The following SRPRA variants were observed in gnomAD, a reference collection of about 807,000 sequenced individuals.
SRPRA encodes SRP receptor subunit alpha, also known as signal recognition particle receptor subunit alpha.
SRPRA carries 30 observed loss-of-function variants against 61.1 expected under a neutral mutation model. The ratio of observed to expected loss-of-function variants is 0.49; its 90% CI spans 0.37 to 0.67. SRPRA has a LOEUF of 0.67. Ranked by LOEUF, SRPRA falls within the 30% of genes least tolerant of loss-of-function variation. The pLI is 0.00. For missense variants in SRPRA, 759 were observed against 828.4 expected (o/e 0.92, Z 1.03); for synonymous variants, 324 against 299.7 (o/e 1.08, Z -0.84).
intron 1 of SRPRA, 143 bp from the exon 2 acceptor site, chr11:126,268,229 TTC>T (rs1466178008): frequency 1.5e-5 from 10 of 669,324 alleles, no homozygotes; most frequent in Non-Finnish European, 2.3e-5. Flanking sequence ...GTTGGGGCAC[TTC>T]TCTCTGGCAT....
At chr11:126,256,543 A>G in the SRPRA span, 28 of 1,608,674 alleles carry the variant, frequency 1.7e-5, no homozygotes, top group African/African-American at 1.5e-4. The surrounding 1 kb of genome is among the most constrained non-coding windows in gnomAD (Gnocchi z 6.6). Flanking sequence ...CACAATGTCA[A>G]TATGTTGTAT....
chr11:126,257,518 TA>T, the SRPRA span, among the ~76,000 whole-genome samples: 479 of 139,000 alleles, frequency 3.4e-3, 3 homozygotes, highest in African/African-American at 0.012. Context: ...TTCATTGCCA[TA>T]AAAAAAAAAG....
Position 126,265,130 on chromosome 11 carries a change from C to T in SRPRA, c.1354G>A (p.Ala452Thr), listed in dbSNP as rs192504159. Residue 452 changes from alanine to threonine, a missense_variant, in exon 11 of 14, where the codon GCT becomes ACT. Physicochemically the swap from Ala to Thr is moderately conservative, Grantham distance 58. Transcript: ENST00000332118. This position sits in a 1 kb window ranked among gnomAD's most constrained non-coding sequence, Gnocchi z 6.3. ...LLENGFSVLIAACDTFRAGAV... is the reference protein window; with the variant it reads ...LLENGFSVLITACDTFRAGAV... ...CCAGCACGAAATGTATCACAGGCAG[C>T]AATGAGGACACTGAAGCCATTCTCT... The T allele has an allele frequency of 6.2e-7, 1 of 1,614,140 alleles. No homozygotes were observed. The highest frequency in any genetic ancestry group is 2.2e-5 in the East Asian group (1 of 44,886).
At chr11:126,268,137 T>G in intron 1 of SRPRA, 51 bp from the exon 2 acceptor site, 4 of 1,545,122 alleles carry the variant, frequency 2.6e-6, no homozygotes, top group Non-Finnish European at 3.6e-6. Context: ...AAAACCCAGG[T>G]TTGGGCCCTG....
the SRPRA span, among the ~76,000 whole-genome samples, chr11:126,257,458 A>T: frequency 6.6e-6 from 1 of 152,200 alleles, no homozygotes; most frequent in Non-Finnish European, 1.5e-5. Context: ...AGATATGCCA[A>T]TATTTATTTA....
In SRPRA at chr11:126,267,039, A is replaced by T. The variant is rs531136631; in HGVS notation, c.527-117T>A. 6.6e-5 allele frequency: 100 copies of T among 1,519,810 alleles called. No individual in the cohort carries two copies. In the African/African-American group the frequency reaches 1.3e-3, roughly 19 times the overall value. The allele number at this position is 1,519,810 out of a possible 1,614,324, so 94.1% of individuals were successfully genotyped here. On this transcript the variant is annotated intron_variant, in intron 4 of 13. Coordinates refer to ENST00000332118, the MANE Select transcript of SRPRA (RefSeq NM_003139.4). This position sits in a 1 kb window ranked among gnomAD's most constrained non-coding sequence, Gnocchi z 4.2. Reference sequence around the variant, plus strand: ...TTGGACCAAACATCTTGGAGTTCATAAGGCCTGGGGATTATAGGATGGTGA... The same window carrying T: ...TTGGACCAAACATCTTGGAGTTCATTAGGCCTGGGGATTATAGGATGGTGA...
At chr11:126,260,508 T>TA (rs1313145053), downstream of SRPRA, 1 of 152,130 alleles carries the variant, frequency 6.6e-6, no homozygotes, top group East Asian at 1.9e-4. Context: ...GTAGGGGTGT[T>TA]ACAGTTTACC....
At chr11:126,249,608 G>A in the SRPRA span, among the ~76,000 whole-genome samples, 2 of 151,890 alleles carry the variant, frequency 1.3e-5, no homozygotes, top group East Asian at 2.0e-4. Flanking sequence ...GCAGGCGCCT[G>A]TAATCCCAGC....
At chr11:126,253,337 C>T in the SRPRA span, among the ~76,000 whole-genome samples, 2 of 152,272 alleles carry the variant, frequency 1.3e-5, no homozygotes, top group South Asian at 4.1e-4. The surrounding 1 kb of genome is among the most constrained non-coding windows in gnomAD (Gnocchi z 5.1). Context: ...TGCCTCTTGA[C>T]TACTTTCCTG....
chr11:126,262,096 G>T (rs778216820), downstream of SRPRA: 29 of 1,613,648 alleles, frequency 1.8e-5, no homozygotes, highest in Non-Finnish European at 2.4e-5. Flanking sequence ...ACTTCATTTT[G>T]TTCTCTTTTC....
chr11:126,244,488 A>G, the SRPRA span, among the ~76,000 whole-genome samples: 1 of 152,250 alleles, frequency 6.6e-6, no homozygotes, highest in Admixed American at 6.5e-5. This position sits in a 1 kb window ranked among gnomAD's most constrained non-coding sequence, Gnocchi z 4.5. Context: ...ATAGTAAAAT[A>G]GCTAGGAATA....
At position 126,265,263 on chromosome 11, in the gene SRPRA, C is replaced by T. The variant is rs1228368401; in HGVS notation, c.1311+5G>A. On this transcript the variant is annotated splice_donor_5th_base_variant and intron_variant, in intron 10 of 13. Transcript: ENST00000332118. This position sits in a 1 kb window ranked among gnomAD's most constrained non-coding sequence, Gnocchi z 6.3. ...ATCAGCGATAGGCTGGGGAACTGCA[C>T]TGACCTTGGCAAGATTAGTAGATTT... The T allele has an allele frequency of 6.2e-7, 1 of 1,614,012 alleles. No individual in the cohort carries two copies. Among genetic ancestry groups the T allele is most frequent in the Non-Finnish European group, 8.5e-7 (1 of 1,179,900 alleles).
the SRPRA span, among the ~76,000 whole-genome samples, chr11:126,240,539 T>G: frequency 3.3e-5 from 5 of 152,298 alleles, no homozygotes; most frequent in South Asian, 1.0e-3. Flanking sequence ...TTGAGAGGAC[T>G]AGGAAGGGAA....
the SRPRA span, among the ~76,000 whole-genome samples, chr11:126,245,997 A>C: frequency 1.4e-4 from 20 of 142,890 alleles, 1 homozygote; most frequent in Admixed American, 4.2e-4. Context: ...ACTCCGTCCC[A>C]AAAAAAAAAA....
chr11:126,264,027 A>G lies in SRPRA; in HGVS notation c.1806T>C (p.Ser602=). 1 of 1,614,184 alleles carries G rather than the reference A, an allele frequency of 6.2e-7. No individual in the cohort carries two copies. Among genetic ancestry groups the G allele is most frequent in the Non-Finnish European group, 8.5e-7 (1 of 1,180,028 alleles). Residue 602 remains serine, a synonymous_variant, in exon 14 of 14, where the codon TCT becomes TCC. Coordinates refer to ENST00000332118, the MANE Select transcript of SRPRA (RefSeq NM_003139.4). The surrounding 1 kb of genome is among the most constrained non-coding windows in gnomAD (Gnocchi z 5.0). ...TIDDKVGAAI[S]MTYITSKPIV... ...TGGGTTTGCTTGTGATGTACGTCATAGAAATAGCAGCTCCCACCTAAGTGG... is the reference window on the plus strand; with the variant it reads ...TGGGTTTGCTTGTGATGTACGTCATGGAAATAGCAGCTCCCACCTAAGTGG...
Position 126,264,519 on chromosome 11 carries a change from C to G in SRPRA, c.1546G>C (p.Val516Leu). The G allele has an allele frequency of 6.2e-7, 1 of 1,613,380 alleles. No individual in the cohort carries two copies. Among genetic ancestry groups the G allele is most frequent in the Non-Finnish European group, 8.5e-7 (1 of 1,180,022 alleles). The part of the protein sequence containing the change: ...IAFARNQGFD[V>L]VLVDTAGRMQ... ...CGGCCTGCCGTGTCCACCAGCACCACGTCAAAGCCTTGGTTACGTGCTAGA... is the reference window on the plus strand; with the variant it reads ...CGGCCTGCCGTGTCCACCAGCACCAGGTCAAAGCCTTGGTTACGTGCTAGA... The change falls in exon 12 of 14, where the codon GTG (valine) becomes CTG (leucine). Residue 516 changes from valine (V) to leucine (L), a missense_variant. This residue lies in a region of SRPRA where 284 missense variants were observed against 365.9 expected (regional missense o/e 0.78). Coordinates refer to ENST00000332118, the MANE Select transcript of SRPRA (RefSeq NM_003139.4). This position sits in a 1 kb window ranked among gnomAD's most constrained non-coding sequence, Gnocchi z 5.0.
At position 126,265,833 on chromosome 11, in the gene SRPRA, G is replaced by C; in HGVS notation, c.1052-10C>G. The C allele has an allele frequency of 1.2e-6, 2 of 1,614,186 alleles. No individual in the cohort carries two copies. Among genetic ancestry groups the C allele is most frequent in the African/African-American group, 1.3e-5 (1 of 75,058 alleles). On this transcript the variant is annotated splice_polypyrimidine_tract_variant and intron_variant, in intron 8 of 13. Transcript: ENST00000332118. This position sits in a 1 kb window ranked among gnomAD's most constrained non-coding sequence, Gnocchi z 6.3. ...GCAGCCACGTTCTTAGCTGAGGAGA[G>C]GGGGACAGGTATGTCAGTTCCATGT...
chr11:126,249,521 A>C, the SRPRA span, among the ~76,000 whole-genome samples: 4 of 152,206 alleles, frequency 2.6e-5, no homozygotes, highest in East Asian at 7.7e-4. Context: ...TCACAAGGTC[A>C]GGAGTTCAAG....
rs1950858656 is a variant in SRPRA at position 126,268,130 on chromosome 11, A to T, written c.118-44T>A. On this transcript the variant is annotated intron_variant, in intron 1 of 13. Transcript: ENST00000332118. ...TCAGTGTTCAGACTATCCCCAGAAA[A>T]CCCAGGTTTGGGCCCTGGGTTTGGA... 4.4e-6 allele frequency: 7 copies of T among 1,590,492 alleles called. No individual in the cohort carries two copies. The South Asian group carries it at 6.6e-5, about 15-fold the overall frequency.
Sources: allele counts gnomAD v4.1 joint callset (sites outside exome capture counted in the v4.1 genomes callset), GRCh38; gene constraint gnomAD v4.1.1; regional missense constraint gnomAD v4.1.1; non-coding constraint Gnocchi (gnomAD v3.1); transcripts MANE v1.5; gene names NCBI Gene and HGNC (gene_info 2026-07-23, HGNC 2026-07-21).